The following KDM4C variants were observed in gnomAD, a reference collection of about 807,000 sequenced individuals.
KDM4C encodes lysine demethylase 4C.
Under a neutral mutation model 129.3 loss-of-function variants are expected in KDM4C, and 81 were observed. That is an observed-to-expected ratio of 0.63 (90% confidence interval 0.52 to 0.75). The LOEUF is 0.75. KDM4C is among the 30% of genes least tolerant of loss of function. The pLI is 0.00. For missense variants in KDM4C, 1,457 were observed against 1,304.0 expected (o/e 1.12, Z -1.81); for synonymous variants, 573 against 456.1 (o/e 1.26, Z -3.26).
chr9:6,852,874 A>G (rs545105860), intron 5 of KDM4C, among the ~76,000 whole-genome samples: 9 of 152,178 alleles, frequency 5.9e-5, no homozygotes, highest in African/African-American at 1.9e-4. Flanking sequence ...TCTCTGGACT[A>G]TGTGCTGCCC....
At chr9:6,951,125 A>C (rs886943521) in intron 8 of KDM4C, among the ~76,000 whole-genome samples, 1 of 152,166 alleles carries the variant, frequency 6.6e-6, no homozygotes, top group African/African-American at 2.4e-5. Flanking sequence ...GTGATCAGTC[A>C]GGGTAATTCA....
intron 17 of KDM4C, among the ~76,000 whole-genome samples, chr9:7,066,252 G>A (rs1279989348): frequency 6.6e-6 from 1 of 152,118 alleles, no homozygotes; most frequent in Non-Finnish European, 1.5e-5. Context: ...AGATGGACAG[G>A]TCATCCCTCT....
chr9:6,973,153 T>C (rs2131720361), intron 8 of KDM4C, among the ~76,000 whole-genome samples: 1 of 152,340 alleles, frequency 6.6e-6, no homozygotes, highest in Non-Finnish European at 1.5e-5. Context: ...TGTCAAACTT[T>C]TATTTCAAAA....
chr9:6,834,058 T>TTTTTTTTTTTTTTTTG (rs1835403673), intron 4 of KDM4C, among the ~76,000 whole-genome samples: 1 of 149,932 alleles, frequency 6.7e-6, no homozygotes. Flanking sequence ...TTTTTTTTTT[T>TTTTTTTTTTTTTTTTG]AAGATAGTCT....
intron 3 of KDM4C, among the ~76,000 whole-genome samples, chr9:6,811,710 T>A (rs933111690): frequency 6.6e-6 from 1 of 152,190 alleles, no homozygotes; most frequent in African/African-American, 2.4e-5. Context: ...TTTATCCCTA[T>A]TTTTTAGAAG....
chr9:7,073,914 C>G (rs1833555729), intron 17 of KDM4C, among the ~76,000 whole-genome samples: 1 of 152,162 alleles, frequency 6.6e-6, no homozygotes, highest in African/African-American at 2.4e-5. Flanking sequence ...ATAAACTCCA[C>G]TTGTGGCAGG....
At chr9:7,062,474 A>G (rs1042968157) in intron 17 of KDM4C, among the ~76,000 whole-genome samples, 1 of 151,824 alleles carries the variant, frequency 6.6e-6, no homozygotes, top group East Asian at 1.9e-4. Flanking sequence ...TGCAGCCTTT[A>G]CTTCCTGGGC....
chr9:7,015,443 C>G (rs549900865), intron 14 of KDM4C, among the ~76,000 whole-genome samples: 1 of 152,008 alleles, frequency 6.6e-6, no homozygotes, highest in African/African-American at 2.4e-5. Flanking sequence ...AGCATTTGCC[C>G]TATCATTGAG....
intron 17 of KDM4C, among the ~76,000 whole-genome samples, chr9:7,097,944 T>C (rs1243555558): frequency 1.3e-5 from 2 of 152,250 alleles, no homozygotes; most frequent in Non-Finnish European, 2.9e-5. Flanking sequence ...AATGGCTGTT[T>C]ATGTGTTCAG....
intron 17 of KDM4C, among the ~76,000 whole-genome samples, chr9:7,075,444 C>T (rs1003966428): frequency 6.6e-6 from 1 of 152,016 alleles, no homozygotes; most frequent in Admixed American, 6.6e-5. Context: ...GGATGAATGC[C>T]CTTCTGTATG....
intron 8 of KDM4C, among the ~76,000 whole-genome samples, chr9:6,923,844 G>A (rs1029733712): frequency 3.3e-5 from 5 of 152,120 alleles, no homozygotes; most frequent in South Asian, 2.1e-4. Context: ...GAACCAAGGG[G>A]GACCACTGTG....
intron 8 of KDM4C, among the ~76,000 whole-genome samples, chr9:6,945,474 C>G (rs1024329004): frequency 1.3e-5 from 2 of 152,040 alleles, no homozygotes; most frequent in Non-Finnish European, 2.9e-5. Context: ...ATGTTTGTAT[C>G]TTGAACTCAT....
intron 15 of KDM4C, among the ~76,000 whole-genome samples, chr9:7,030,020 A>T (rs1210702236): frequency 6.6e-6 from 1 of 152,224 alleles, no homozygotes; most frequent in Non-Finnish European, 1.5e-5. Flanking sequence ...AGTAGCCAGT[A>T]TACCTATAAT....
intron 8 of KDM4C, among the ~76,000 whole-genome samples, chr9:6,896,717 T>C (rs1364213994): frequency 6.6e-6 from 1 of 152,200 alleles, no homozygotes; most frequent in African/African-American, 2.4e-5. Flanking sequence ...GTTCTACTTA[T>C]GGAGACTAGG....
intron 15 of KDM4C, among the ~76,000 whole-genome samples, chr9:7,037,503 G>GTT (rs1827858652): frequency 6.6e-6 from 1 of 151,988 alleles, no homozygotes; most frequent in Non-Finnish European, 1.5e-5. Context: ...CTTTTCCATG[G>GTT]TTTAATAACT....
Position 7,172,608 on chromosome 9 carries a change from C to T in KDM4C, c.2995-1945C>T, listed in dbSNP as rs558482710. The stretch of plus-strand genomic sequence containing the variant: ...CAGCCCATAATGATTTAGTTTTCTT[C>T]TCTAGTGAAACTAGGTGGTATGTGG... On this transcript the variant is annotated intron_variant, in intron 21 of 21. Transcript: ENST00000381309. Among the ~76,000 whole-genome samples the T allele has an allele frequency of 3.9e-5, 6 of 152,340 alleles. No individual in the cohort carries two copies. In the East Asian group the frequency reaches 7.7e-4, roughly 20 times the overall value.
upstream of KDM4C, among the ~76,000 whole-genome samples, chr9:6,756,099 G>A (rs1293390538): frequency 6.6e-6 from 1 of 152,172 alleles, no homozygotes; most frequent in Non-Finnish European, 1.5e-5. Flanking sequence ...TTATTCTGGT[G>A]CACAAGATTT....
At chr9:6,963,901 T>A (rs1360641097) in intron 8 of KDM4C, among the ~76,000 whole-genome samples, 3 of 152,210 alleles carry the variant, frequency 2.0e-5, no homozygotes, top group Non-Finnish European at 4.4e-5. Flanking sequence ...TTTTAGCTAT[T>A]CCTAGATTAA....
At chr9:7,152,400 A>G (rs12683056) in intron 19 of KDM4C, among the ~76,000 whole-genome samples, 76,443 of 152,128 alleles carry the variant, frequency 0.5, 20,632 homozygotes, top group Non-Finnish European at 0.6. Context: ...AATGCTCATG[A>G]TGTAATCGTA....
Sources: allele counts gnomAD v4.1 joint callset (sites outside exome capture counted in the v4.1 genomes callset), GRCh38; gene constraint gnomAD v4.1.1; transcripts MANE v1.5; gene names NCBI Gene and HGNC (gene_info 2026-07-23, HGNC 2026-07-21).